The following SLC41A1 variants were observed in gnomAD, a reference collection of about 807,000 sequenced individuals.
SLC41A1 encodes solute carrier family 41 (magnesium transporter), member 1.
SLC41A1 carries 20 observed loss-of-function variants against 47.3 expected under a neutral mutation model. That is an observed-to-expected ratio of 0.42 (90% CI 0.30 to 0.61). The LOEUF is 0.61. Ranked by LOEUF, SLC41A1 falls within the 20% of genes least tolerant of loss-of-function variation. SLC41A1 has a pLI of 0.17. For synonymous variants in SLC41A1, 282 were observed against 272.7 expected (o/e 1.03, Z -0.34); for missense variants, 504 against 674.1 (o/e 0.75, Z 2.79).
At chr1:205,800,544 G>A (rs1553257479) in intron 3 of SLC41A1, among the ~76,000 whole-genome samples, 1 of 151,174 alleles carries the variant, frequency 6.6e-6, no homozygotes, top group Non-Finnish European at 1.5e-5. Context: ...GGGGCTGGGG[G>A]TGCTGGGAGG....
At position 205,798,027 on chromosome 1, in the gene SLC41A1, A is replaced by C; in HGVS notation, c.869T>G (p.Leu290Arg). Residue 290 changes from leucine (L) to arginine (R), a missense_variant, in exon 7 of 11, where the codon CTG (leucine) becomes CGG (arginine). Physicochemically the swap from Leu to Arg is moderately radical, Grantham distance 102 (BLOSUM62 -2). Transcript: ENST00000367137. ...ELNHWRYIYP[L>R]VCAFFVALLP... ...CAGGGCCACAAAGAAAGCACACACCAGTGGGTAGATGTATCGCCAGTGATC... is the reference window on the plus strand; with the variant it reads ...CAGGGCCACAAAGAAAGCACACACCCGTGGGTAGATGTATCGCCAGTGATC... The C allele has an allele frequency of 6.2e-7, 1 of 1,614,164 alleles. No homozygotes were observed.
rs1030489093 is a variant in SLC41A1, at chr1:205,810,772, G to A, written c.-331C>T. The A allele has an allele frequency of 2.1e-5, 8 of 383,156 alleles. No individual in the cohort carries two copies. The Admixed American group carries it at 2.3e-4, about 11-fold the overall frequency. The allele number at this position is 383,156 out of a possible 1,614,324, so 23.7% of individuals were successfully genotyped here. On this transcript the variant is annotated 5_prime_UTR_variant, in exon 2 of 11. Transcript: ENST00000367137. The surrounding 1 kb of genome is among the most constrained non-coding windows in gnomAD (Gnocchi z 5.5). ...TTATCTTCTTTGGTTCTCAGTGGCA[G>A]GCTCCTCAGAGCAGGGGGCATCCAG...
In SLC41A1 at chr1:205,794,883, G is replaced by C. The variant is rs1270623920; in HGVS notation, c.1343C>G (p.Ala448Gly). 1 of 1,613,874 alleles carries C rather than the reference G, an allele frequency of 6.2e-7. No homozygotes were observed. The highest frequency in any genetic ancestry group is 1.3e-5 in the African/African-American group (1 of 74,896). The change falls in exon 10 of 11, where the codon GCT (alanine) becomes GGT (glycine). Residue 448 changes from alanine to glycine, a missense_variant. Ala to Gly is a moderately conservative substitution (Grantham distance 60). Around this residue, in one of 2 missense-constraint regions of SLC41A1, gnomAD observed 421 missense variants for 601.6 expected, o/e 0.70. Coordinates refer to ENST00000367137, the MANE Select transcript of SLC41A1 (RefSeq NM_173854.6). ...TLIFIIFYMT[A>G]ALLQVLILLY... ...GCCACTTTGTACCTGGAGCAGTGCA[G>C]CTGTCATATAGAAGATGATGAAGAT...
chr1:205,791,644 G>A lies in SLC41A1; in HGVS notation c.1431C>T (p.Phe477=). ...CCAGAGCAGTCAAGTATGGGATGGA[G>A]AAGTTGTCCGGGTCCAGGCCCCGGC... The part of the protein sequence containing the change: ...MWGRGLDPDN[F]SIPYLTALGD... Residue 477 remains phenylalanine (F), a synonymous_variant, in exon 11 of 11, where the codon TTC becomes TTT. Transcript: ENST00000367137. The surrounding 1 kb of genome is among the most constrained non-coding windows in gnomAD (Gnocchi z 4.0). 1 of 1,614,178 alleles carries A rather than the reference G, an allele frequency of 6.2e-7. No homozygotes were observed. Among genetic ancestry groups the A allele is most frequent in the East Asian group, 2.2e-5 (1 of 44,878 alleles).
chr1:205,796,701 T>A, intron 8 of SLC41A1: 1 of 599,910 alleles, frequency 1.7e-6, no homozygotes, highest in South Asian at 1.9e-5. Flanking sequence ...AGTAGAGGCT[T>A]CCCATTGCTG....
chr1:205,798,223 G>T (rs1655792946), intron 6 of SLC41A1, among the ~76,000 whole-genome samples, 172 bp from the exon 7 acceptor site: 1 of 152,172 alleles, frequency 6.6e-6, no homozygotes, highest in Non-Finnish European at 1.5e-5. Flanking sequence ...GGTGGGACAA[G>T]CCTTTTCCAT....
chr1:205,800,585 CA>C (rs201181024), intron 3 of SLC41A1, among the ~76,000 whole-genome samples: 1 of 276 alleles, frequency 3.6e-3, no homozygotes, highest in Non-Finnish European at 9.4e-3. Context: ...AGCTGCAAAG[CA>C]GGGGCTGGAG....
At position 205,801,074 on chromosome 1, in the gene SLC41A1, A is replaced by C; in HGVS notation, c.373-14T>G. 1 of 1,610,986 alleles carries C rather than the reference A, an allele frequency of 6.2e-7. No individual in the cohort carries two copies. Among genetic ancestry groups the C allele is most frequent in the East Asian group, 2.2e-5 (1 of 44,848 alleles). ...GACTTCCCAGTGCTACGAGGTGAAA[A>C]CAGAACCCAGGAATTTCAGTGCCCC... On this transcript the variant is annotated splice_polypyrimidine_tract_variant and intron_variant, in intron 2 of 10. Transcript: ENST00000367137.
chr1:205,794,626 C>G (rs1655702551), intron 10 of SLC41A1, among the ~76,000 whole-genome samples: 1 of 152,172 alleles, frequency 6.6e-6, no homozygotes, highest in African/African-American at 2.4e-5. Context: ...GTCCATTCCT[C>G]TCAATTTACA....
Position 205,810,360 on chromosome 1 carries a change from G to C in SLC41A1, c.82C>G (p.Pro28Ala). 1 of 1,614,146 alleles carries C rather than the reference G, an allele frequency of 6.2e-7. No homozygotes were observed. Among genetic ancestry groups the C allele is most frequent in the Non-Finnish European group, 8.5e-7 (1 of 1,180,024 alleles). Residue 28 changes from proline (P) to alanine (A), a missense_variant, in exon 2 of 11, where the codon CCA becomes GCA. This residue lies in a region of SLC41A1 where 83 missense variants were observed against 72.5 expected (regional missense o/e 1.15). Coordinates refer to ENST00000367137, the MANE Select transcript of SLC41A1 (RefSeq NM_173854.6). The surrounding 1 kb of genome is among the most constrained non-coding windows in gnomAD (Gnocchi z 5.5). ...PSASPCSSDG[P>A]GREPLAGTSE... ...GTCCCAGCCAAGGGCTCTCTCCCTG[G>C]GCCATCTGAAGAGCAGGGAGAGGCA...
In SLC41A1 at chr1:205,794,940, C is replaced by T. The variant is rs557487381; in HGVS notation, c.1286G>A (p.Cys429Tyr). 2.5e-6 allele frequency: 4 copies of T among 1,614,056 alleles called. No individual in the cohort carries two copies. In the South Asian group the frequency reaches 4.4e-5, roughly 18 times the overall value. ...GHLVFLYTIS[C>Y]MQGGHTTLTL... The stretch of plus-strand genomic sequence containing the variant: ...GAGGGTGGTGTGCCCGCCCTGCATA[C>T]AGCTGATGGTGTAGAGGAACACCAG... The change falls in exon 10 of 11, where the codon TGT becomes TAT. Residue 429 changes from cysteine (C) to tyrosine (Y), a missense_variant. Cys to Tyr is a radical substitution (Grantham distance 194). Transcript: ENST00000367137.
chr1:205,806,172 A>C (rs1052689695), intron 2 of SLC41A1, among the ~76,000 whole-genome samples: 2 of 152,228 alleles, frequency 1.3e-5, no homozygotes, highest in Non-Finnish European at 2.9e-5. Flanking sequence ...TGCAGGACAA[A>C]GCAGGAGCAA....
In SLC41A1 at chr1:205,789,540, G is replaced by GA. The variant is rs1428979132; in HGVS notation, c.*1992dup. 6.6e-6 allele frequency: 1 copy of GA among 152,202 alleles called. No homozygotes were observed. The highest frequency in any genetic ancestry group is 2.4e-5 in the African/African-American group (1 of 41,436). 9.4% of individuals were successfully genotyped at this position (152,202 alleles called of 1,614,324 possible). On this transcript the variant is annotated 3_prime_UTR_variant, in exon 11 of 11. Coordinates refer to ENST00000367137, the MANE Select transcript of SLC41A1 (RefSeq NM_173854.6). ...GTTGGTTTTGATGCCTGTACAAGAA[G>GA]AATCTGTGTGTAAGTATTTTTTGAG...
chr1:205,795,253 T>G, intron 9 of SLC41A1, 91 bp downstream of exon 9: 1 of 1,588,718 alleles, frequency 6.3e-7, no homozygotes, highest in South Asian at 1.1e-5. Flanking sequence ...GGAGAACCTG[T>G]GGATCTGGGG....
At chr1:205,807,822 ATT>A (rs141881589) in intron 2 of SLC41A1, among the ~76,000 whole-genome samples, 13 of 139,256 alleles carry the variant, frequency 9.3e-5, no homozygotes, top group African/African-American at 1.0e-4. Context: ...ATGCCTGACT[ATT>A]TTTTTTTTTT....
chr1:205,793,048 G>T (rs1225203618), intron 10 of SLC41A1, among the ~76,000 whole-genome samples: 6 of 151,916 alleles, frequency 3.9e-5, no homozygotes, highest in Non-Finnish European at 8.8e-5. Context: ...CAGCTGTCTT[G>T]TGCTACCACG....
At chr1:205,793,470 A>G (rs1195625885) in intron 10 of SLC41A1, among the ~76,000 whole-genome samples, 2 of 152,204 alleles carry the variant, frequency 1.3e-5, no homozygotes, top group African/African-American at 4.8e-5. Context: ...CCCACTAGCA[A>G]TGGAATGTGG....
rs1249237310 is a variant in SLC41A1, at chr1:205,799,023, T to A, written c.631A>T (p.Ile211Phe). 6.2e-7 allele frequency: 1 copy of A among 1,613,742 alleles called. No homozygotes were observed. The highest frequency in any genetic ancestry group is 1.7e-5 in the Admixed American group (1 of 60,008). Residue 211 changes from isoleucine to phenylalanine, a missense_variant, in exon 5 of 11, where the codon ATT becomes TTT. Ile to Phe is a conservative substitution (Grantham distance 21). Transcript: ENST00000367137. The stretch of plus-strand genomic sequence containing the variant: ...GCACAGAGCAGGAAGGCGTGCGGAA[T>A]ACTGAAGTGGCCATCAGGGATCCAG... ...FGWIPDGHFS[I>F]PHAFLLCASS...
intron 6 of SLC41A1, 60 bp downstream of exon 6, chr1:205,798,606 AACT>A: frequency 6.2e-7 from 1 of 1,611,674 alleles, no homozygotes; most frequent in Non-Finnish European, 8.5e-7. Flanking sequence ...CACATTTGCA[AACT>A]ACTACCATCT....
Sources: allele counts gnomAD v4.1 joint callset (sites outside exome capture counted in the v4.1 genomes callset), GRCh38; gene constraint gnomAD v4.1.1; regional missense constraint gnomAD v4.1.1; non-coding constraint Gnocchi (gnomAD v3.1); transcripts MANE v1.5; gene names NCBI Gene and HGNC (gene_info 2026-07-23, HGNC 2026-07-21).